The following AFF3 variants were observed in gnomAD, a reference collection of about 807,000 sequenced individuals.
AFF3 encodes AF4/FMR2 family member 3.
In AFF3, 32 loss-of-function variants were observed where a neutral mutation model predicts 129.7. The ratio of observed to expected loss-of-function variants is 0.25; its 90% CI spans 0.19 to 0.33. AFF3 has a LOEUF of 0.33. Among genes scored for constraint, AFF3 ranks in the 10% least tolerant of loss-of-function variants. The probability of loss-of-function intolerance (pLI) is 1.00; values close to 1 mark genes in which losing one functional copy is unlikely to be tolerated. For missense variants in AFF3, 1,373 were observed against 1,592.0 expected (o/e 0.86, Z 2.34); for synonymous variants, 644 against 635.4 (o/e 1.01, Z -0.20).
chr2:99,755,127 T>C (rs2105226719), intron 8 of AFF3, among the ~76,000 whole-genome samples: 1 of 152,264 alleles, frequency 6.6e-6, no homozygotes, highest in South Asian at 2.1e-4. Flanking sequence ...ATACCCCTTC[T>C]CCTTTGAAGC....
chr2:99,734,245 G>C (rs1485523789), intron 10 of AFF3, among the ~76,000 whole-genome samples: 1 of 151,714 alleles, frequency 6.6e-6, no homozygotes, highest in Non-Finnish European at 1.5e-5. Flanking sequence ...GAAATTAATT[G>C]TGTATACAGC....
chr2:99,858,337 G>C (rs539680680), intron 7 of AFF3, among the ~76,000 whole-genome samples: 2 of 151,284 alleles, frequency 1.3e-5, no homozygotes, highest in Admixed American at 1.3e-4. Flanking sequence ...CTTGAGCCCA[G>C]GAGTTGGAGA....
chr2:99,924,947 C>T (rs1248294826), intron 7 of AFF3, among the ~76,000 whole-genome samples: 1 of 151,438 alleles, frequency 6.6e-6, no homozygotes, highest in Admixed American at 6.6e-5. Flanking sequence ...TTGATCATGG[C>T]TCACTGCAGC....
chr2:99,693,922 C>CTT (rs796185117), intron 11 of AFF3, among the ~76,000 whole-genome samples: 1 of 146,232 alleles, frequency 6.8e-6, no homozygotes. Context: ...TTCCTTAATA[C>CTT]TTTTTTTTTT....
intron 8 of AFF3, among the ~76,000 whole-genome samples, chr2:99,779,698 T>C (rs1464280610): frequency 6.6e-6 from 1 of 152,234 alleles, no homozygotes; most frequent in Non-Finnish European, 1.5e-5. Context: ...CGGTCTATTA[T>C]TCCACTTTGT....
chr2:99,811,099 A>G (rs1326189345), intron 8 of AFF3, among the ~76,000 whole-genome samples: 1 of 152,198 alleles, frequency 6.6e-6, no homozygotes, highest in Non-Finnish European at 1.5e-5. Context: ...GGATTAGGAC[A>G]TGGGAGGGAC....
intron 8 of AFF3, among the ~76,000 whole-genome samples, chr2:99,811,544 G>A (rs1219992813): frequency 6.6e-6 from 1 of 152,056 alleles, no homozygotes; most frequent in Non-Finnish European, 1.5e-5. Context: ...ATTGACATAT[G>A]TTGCCAAAAG....
Position 99,978,548 on chromosome 2 carries a change from C to G in AFF3, c.873+28084G>C, listed in dbSNP as rs527749256. On this transcript the variant is annotated intron_variant, in intron 7 of 24. Transcript: ENST00000672756. Reference sequence around the variant, plus strand: ...GGATAACGGGAACATCATTCTCCCCCCAGACAAACCCAAGGTGCCACGTGT... The same window carrying G: ...GGATAACGGGAACATCATTCTCCCCGCAGACAAACCCAAGGTGCCACGTGT... Among the ~76,000 whole-genome samples the G allele has an allele frequency of 2.0e-5, 3 of 152,282 alleles. No individual in the cohort carries two copies. The South Asian group carries it at 6.2e-4, about 32-fold the overall frequency.
At chr2:99,694,009 C>T (rs963966184) in intron 11 of AFF3, among the ~76,000 whole-genome samples, 1 of 151,984 alleles carries the variant, frequency 6.6e-6, no homozygotes. Context: ...CCGCTGCCTC[C>T]CGGGTTCAAG....
intron 8 of AFF3, among the ~76,000 whole-genome samples, chr2:99,819,385 T>C (rs912233380): frequency 4.6e-5 from 7 of 152,242 alleles, no homozygotes; most frequent in South Asian, 2.1e-4. Context: ...ATTCTACAAA[T>C]GGATTTTATA....
chr2:99,829,329 T>A (rs984195872), intron 8 of AFF3, among the ~76,000 whole-genome samples: 4 of 152,078 alleles, frequency 2.6e-5, no homozygotes, highest in African/African-American at 9.7e-5. Context: ...CAAAAGAAAC[T>A]ATCATCAGAG....
At position 99,546,207 on chromosome 2, in the gene AFF3, G is replaced by A. The variant is rs573461812; in HGVS notation, c.*5267C>T. ...ATTCTTATAGGGACAGACTTCAGCT[G>A]TGTAGCAGGCAAAGCTACAGAAGAG... is the stretch of plus-strand genomic sequence containing the variant. On this transcript the variant is annotated 3_prime_UTR_variant, in exon 25 of 25. Transcript: ENST00000672756. 9 of 231,666 alleles carry A rather than the reference G, an allele frequency of 3.9e-5. No homozygotes were observed. The highest frequency in any genetic ancestry group is 2.0e-4 in the African/African-American group (9 of 45,356). The allele number at this position is 231,666 out of a possible 1,614,324, so 14.4% of individuals were successfully genotyped here.
At chr2:99,936,521 C>A (rs376159772) in intron 7 of AFF3, among the ~76,000 whole-genome samples, 1 of 152,114 alleles carries the variant, frequency 6.6e-6, no homozygotes, top group Admixed American at 6.5e-5. Flanking sequence ...CTGACAAGGA[C>A]GGGAGGAAAT....
chr2:99,927,308 C>A (rs1211210920), intron 7 of AFF3, among the ~76,000 whole-genome samples: 2 of 152,116 alleles, frequency 1.3e-5, no homozygotes, highest in African/African-American at 2.4e-5. Context: ...TTCATAATAG[C>A]AAAGACATGG....
At chr2:99,974,951 G>A (rs188471329) in intron 7 of AFF3, among the ~76,000 whole-genome samples, 1 of 152,284 alleles carries the variant, frequency 6.6e-6, no homozygotes, top group East Asian at 1.9e-4. Context: ...AACATCATCA[G>A]GTTTCAATTC....
chr2:99,559,097 T>C, intron 21 of AFF3, 129 bp from the exon 22 acceptor site: 1 of 718,374 alleles, frequency 1.4e-6, no homozygotes, highest in South Asian at 1.8e-5. Flanking sequence ...GAAATCTTTC[T>C]ATACGTGCAT....
intron 8 of AFF3, among the ~76,000 whole-genome samples, chr2:99,816,528 A>T (rs1188191798): frequency 1.3e-5 from 2 of 152,080 alleles, no homozygotes; most frequent in African/African-American, 2.4e-5. Flanking sequence ...GGTTTCTGTT[A>T]ATGTGGTCAG....
chr2:100,012,954 GTATT>G (rs1170976661), intron 4 of AFF3, among the ~76,000 whole-genome samples: 5 of 152,036 alleles, frequency 3.3e-5, no homozygotes, highest in Admixed American at 6.6e-5. Context: ...GTCACCAAAT[GTATT>G]TATTTATTTT....
At chr2:100,081,994 T>C (rs867293636) in intron 4 of AFF3, among the ~76,000 whole-genome samples, 77 of 152,172 alleles carry the variant, frequency 5.1e-4, no homozygotes, top group African/African-American at 1.7e-3. Context: ...CTCTTGTGCG[T>C]TTTTTAAATT....
Sources: gnomAD v4.1 joint callset for allele counts (sites outside exome capture counted in the v4.1 genomes callset) on GRCh38, gnomAD v4.1.1 for gene constraint, MANE v1.5 for transcripts, NCBI Gene and HGNC (gene_info 2026-07-23, HGNC 2026-07-21) for gene names.